The following LCA5L variants were observed in gnomAD, a reference collection of about 807,000 sequenced individuals.
The protein encoded by LCA5L is lebercilin LCA5 like.
Under a neutral mutation model 45.4 loss-of-function variants are expected in LCA5L, and 35 were observed. That is an observed-to-expected ratio of 0.77 (90% CI 0.59 to 1.02). The LOEUF is 1.02. LCA5L is among the 50% of genes least tolerant of loss of function. The pLI is 0.00. For synonymous variants in LCA5L, 233 were observed against 264.7 expected (o/e 0.88, Z 1.16); for missense variants, 668 against 761.6 (o/e 0.88, Z 1.45).
chr21:39,419,644 G>C (rs1348640641), intron 7 of LCA5L, among the ~76,000 whole-genome samples: 1 of 152,134 alleles, frequency 6.6e-6, no homozygotes, highest in East Asian at 1.9e-4. Flanking sequence ...CTTTTGGGAG[G>C]TGATTAGGTC....
chr21:39,420,515 T>A (rs1171477601), intron 7 of LCA5L, among the ~76,000 whole-genome samples, 191 bp downstream of exon 7: 7 of 17,454 alleles, frequency 4.0e-4, no homozygotes, highest in African/African-American at 2.3e-3. Context: ...AGAGCAAGAT[T>A]CTATCTCAAA....
At position 39,428,373 on chromosome 21, in the gene LCA5L, T is replaced by TC. The variant is rs977411825; in HGVS notation, c.120dup (p.Asn41GlufsTer3). On this transcript the variant is annotated frameshift_variant, in exon 5 of 11. Coordinates refer to ENST00000288350, the MANE Select transcript of LCA5L (RefSeq NM_152505.4). LOFTEE classifies it high-confidence loss of function. Reference sequence around the variant, plus strand: ...ACACTCTTATTGGAAGCATTACTGTTCCGTGAAAAATCGCCTGTGCCTGGG... The same window carrying TC: ...ACACTCTTATTGGAAGCATTACTGTTCCCGTGAAAAATCGCCTGTGCCTGGG... 3 of 1,613,406 alleles carry TC rather than the reference T, an allele frequency of 1.9e-6. No individual in the cohort carries two copies. In the African/African-American group the frequency reaches 4.0e-5, roughly 22 times the overall value.
chr21:39,432,409 T>TA (rs1171133733), intron 3 of LCA5L, among the ~76,000 whole-genome samples: 6 of 152,216 alleles, frequency 3.9e-5, no homozygotes, highest in Admixed American at 3.9e-4. Flanking sequence ...ATGAAGATTT[T>TA]AAAAAATGTA....
intron 7 of LCA5L, among the ~76,000 whole-genome samples, chr21:39,419,004 C>T (rs2041802120): frequency 6.6e-6 from 1 of 152,092 alleles, no homozygotes; most frequent in Non-Finnish European, 1.5e-5. Flanking sequence ...TTGAAGTTTC[C>T]TGGAACTCCA....
At chr21:39,416,724 C>A (rs2041236090) in intron 7 of LCA5L, among the ~76,000 whole-genome samples, 1 of 152,098 alleles carries the variant, frequency 6.6e-6, no homozygotes, top group African/African-American at 2.4e-5. Context: ...CTATCAGGAG[C>A]TTTATCCCAT....
intron 2 of LCA5L, among the ~76,000 whole-genome samples, chr21:39,443,125 G>C (rs1025888547): frequency 2.6e-5 from 4 of 152,190 alleles, no homozygotes; most frequent in Non-Finnish European, 5.9e-5. Flanking sequence ...CTCATTCCTG[G>C]TTTTTGTTTT....
chr21:39,425,153 CTA>C (rs1439768605), intron 5 of LCA5L, among the ~76,000 whole-genome samples: 4 of 152,174 alleles, frequency 2.6e-5, no homozygotes, highest in Non-Finnish European at 5.9e-5. Flanking sequence ...ATTCTAAACT[CTA>C]AAAATGTCTG....
intron 2 of LCA5L, among the ~76,000 whole-genome samples, chr21:39,437,369 GTTA>G (rs1176412371): frequency 2.0e-5 from 3 of 152,180 alleles, no homozygotes; most frequent in Admixed American, 1.3e-4. Context: ...GAAGAGGCAA[GTTA>G]TTATGTGGAA....
intron 2 of LCA5L, among the ~76,000 whole-genome samples, chr21:39,436,373 G>A (rs368722510): frequency 9.9e-5 from 15 of 151,940 alleles, no homozygotes; most frequent in African/African-American, 3.4e-4. Flanking sequence ...TTTGTTACAC[G>A]CATATAATGA....
chr21:39,420,336 A>G (rs979756491), intron 7 of LCA5L, among the ~76,000 whole-genome samples: 1 of 152,162 alleles, frequency 6.6e-6, no homozygotes, highest in Non-Finnish European at 1.5e-5. Context: ...AGCCTGGCCA[A>G]CACGGCAAAA....
intron 2 of LCA5L, among the ~76,000 whole-genome samples, chr21:39,442,244 C>A (rs576932486): frequency 6.6e-6 from 1 of 152,074 alleles, no homozygotes; most frequent in African/African-American, 2.4e-5. Flanking sequence ...AATGCCAAGG[C>A]CTGGTGGGTG....
intron 6 of LCA5L, among the ~76,000 whole-genome samples, chr21:39,421,209 T>C (rs2042255761): frequency 6.6e-6 from 1 of 151,870 alleles, no homozygotes; most frequent in South Asian, 2.1e-4. Flanking sequence ...TTCAAACGAT[T>C]CTCCTGCCTC....
chr21:39,414,070 AC>A (rs2040592856), intron 7 of LCA5L: 1 of 152,244 alleles, frequency 6.6e-6, no homozygotes, highest in Non-Finnish European at 1.5e-5. Flanking sequence ...AACCCGGGAT[AC>A]TTGTGTGGTT....
intron 6 of LCA5L, 67 bp from the exon 7 acceptor site, chr21:39,420,910 G>T: frequency 8.3e-7 from 1 of 1,205,804 alleles, no homozygotes; most frequent in Non-Finnish European, 1.2e-6. Context: ...CAATTATCAT[G>T]GAACTAACTA....
In LCA5L at chr21:39,414,750, G is replaced by C. The variant is rs796430290; in HGVS notation, c.976-2948C>G. Among the ~76,000 whole-genome samples, 369 of 147,294 alleles carry C rather than the reference G, an allele frequency of 2.5e-3. 2 individuals are homozygous for C. Among genetic ancestry groups the C allele is most frequent in the African/African-American group, 6.2e-3 (236 of 38,192 alleles). On this transcript the variant is annotated intron_variant, in intron 7 of 10. Transcript: ENST00000288350. ...TCTCTCTCTCTCTCTCTCTGTGTGT[G>C]TGTGTGTGTGTGTGTGTGTGTGTGT...
At chr21:39,430,015 AAAAC>A (rs375183140) in intron 3 of LCA5L, among the ~76,000 whole-genome samples, 7,450 of 151,816 alleles carry the variant, frequency 0.049, 300 homozygotes, top group African/African-American at 0.11. Context: ...CTCTGTCTCA[AAAAC>A]AAACAAACAA....
intron 5 of LCA5L, among the ~76,000 whole-genome samples, chr21:39,425,160 T>C (rs1052742051): frequency 6.6e-6 from 1 of 152,250 alleles, no homozygotes; most frequent in African/African-American, 2.4e-5. Context: ...ACTCTAAAAA[T>C]GTCTGATCCT....
chr21:39,434,560 T>C (rs2076106791), intron 3 of LCA5L, among the ~76,000 whole-genome samples: 1 of 152,144 alleles, frequency 6.6e-6, no homozygotes, highest in Admixed American at 6.5e-5. Flanking sequence ...CTCTGTTGCC[T>C]AGACTGGAGT....
intron 4 of LCA5L, 95 bp from the exon 5 acceptor site, chr21:39,428,598 ATTTT>A (rs550342233): frequency 0.017 from 556 of 31,856 alleles, 18 homozygotes; most frequent in African/African-American, 0.054. Flanking sequence ...ATATATATAT[ATTTT>A]TTTTTTTTTT....
Sources: gnomAD v4.1 joint callset for allele counts (sites outside exome capture counted in the v4.1 genomes callset) on GRCh38, gnomAD v4.1.1 for gene constraint, MANE v1.5 for transcripts, NCBI Gene and HGNC (gene_info 2026-07-23, HGNC 2026-07-21) for gene names.